The following ANKAR variants were observed in gnomAD, a reference collection of about 807,000 sequenced individuals.
ANKAR encodes ankyrin and armadillo repeat containing, also known as ankyrin and armadillo repeat-containing protein.
In ANKAR, 136 loss-of-function variants were observed where a neutral mutation model predicts 146.2. That is an observed-to-expected ratio of 0.93 (90% CI 0.81 to 1.07). The LOEUF (loss-of-function observed/expected upper bound fraction) is 1.07. Ranked by LOEUF, ANKAR falls within the 50% of genes least tolerant of loss-of-function variation. The probability of loss-of-function intolerance (pLI) is 0.00; values close to 1 mark genes in which losing one functional copy is unlikely to be tolerated. For synonymous variants in ANKAR, 500 were observed against 575.8 expected (o/e 0.87, Z 1.88); for missense variants, 1,567 against 1,679.9 (o/e 0.93, Z 1.18).
chr2:189,762,745 G>A (rs547799537), downstream of ANKAR: 4 of 985,532 alleles, frequency 4.1e-6, no homozygotes, highest in Non-Finnish European at 4.8e-6. Context: ...ACTGTCGACT[G>A]CCCTTATCGC....
chr2:189,710,972 G>T (rs2039605919), intron 9 of ANKAR, 77 bp from the exon 10 acceptor site: 1 of 1,251,312 alleles, frequency 8.0e-7, no homozygotes, highest in Admixed American at 1.9e-5. Flanking sequence ...TATTTAGCTG[G>T]TACAAAAAAC....
chr2:189,685,010 AT>A (rs888443528), intron 2 of ANKAR, among the ~76,000 whole-genome samples: 29 of 148,204 alleles, frequency 2.0e-4, no homozygotes, highest in East Asian at 1.2e-3. Flanking sequence ...TGTTTTCTGA[AT>A]TTTTTTTTTA....
In ANKAR at chr2:189,692,263, G is replaced by A. The variant is rs2036537190; in HGVS notation, c.1048G>A (p.Val350Ile). ...SLLQPFSDDK[V>I]KTERELPPFI... ...TGTTTTCATTTTTGGAGATGACAAG[G>A]TCAAGACAGAGCGAGAATTGCCTCC... Residue 350 changes from valine to isoleucine, a missense_variant, in exon 4 of 23, where the codon GTC becomes ATC. Physicochemically the swap from Val to Ile is conservative, Grantham distance 29. Coordinates refer to ENST00000684021, the MANE Select transcript of ANKAR (RefSeq NM_001378068.1). 1 of 1,610,958 alleles carries A rather than the reference G, an allele frequency of 6.2e-7. No individual in the cohort carries two copies.
intron 2 of ANKAR, 89 bp downstream of exon 2, chr2:189,677,180 A>G: frequency 7.5e-7 from 1 of 1,326,056 alleles, no homozygotes; most frequent in African/African-American, 1.5e-5. Context: ...CGAACCCCTG[A>G]GCTCAAGCCA....
In ANKAR at chr2:189,716,235, G is replaced by A. The variant is rs902715739; in HGVS notation, c.2225-3337G>A. On this transcript the variant is annotated intron_variant, in intron 10 of 22. Coordinates refer to ENST00000684021, the MANE Select transcript of ANKAR (RefSeq NM_001378068.1). Reference sequence around the variant, plus strand: ...CTCCTTAAGCTGATAAGCAACTTCAGCAAACTCTCAGGATACAAAATCAAT... The same window carrying A: ...CTCCTTAAGCTGATAAGCAACTTCAACAAACTCTCAGGATACAAAATCAAT... Among the ~76,000 whole-genome samples, 4 of 152,288 alleles carry A rather than the reference G, an allele frequency of 2.6e-5. No homozygotes were observed. In the South Asian group the frequency reaches 6.2e-4, roughly 24 times the overall value.
intron 9 of ANKAR, among the ~76,000 whole-genome samples, chr2:189,710,554 C>T (rs1235290699): frequency 6.6e-6 from 1 of 152,158 alleles, no homozygotes; most frequent in African/African-American, 2.4e-5. Flanking sequence ...AATCCTACCA[C>T]TTTGGGAGGC....
chr2:189,752,299 G>T (rs910840347), intron 18 of ANKAR, among the ~76,000 whole-genome samples: 4 of 152,086 alleles, frequency 2.6e-5, no homozygotes, highest in Non-Finnish European at 5.9e-5. Flanking sequence ...AATGCTTTCT[G>T]CATGTTTTCC....
intron 1 of ANKAR, among the ~76,000 whole-genome samples, chr2:189,675,464 C>T (rs555607548): frequency 1.3e-5 from 2 of 152,026 alleles, no homozygotes; most frequent in South Asian, 4.1e-4. Flanking sequence ...CCTCCTGTCT[C>T]AAGCCCCGCG....
downstream of ANKAR, among the ~76,000 whole-genome samples, chr2:189,748,306 C>G (rs184786060): frequency 2.7e-3 from 406 of 152,288 alleles, 1 homozygote; most frequent in Admixed American, 5.5e-3. Context: ...GGGTTCAAAG[C>G]AATCATCCCA....
intron 10 of ANKAR, among the ~76,000 whole-genome samples, chr2:189,714,076 T>C (rs566795548): frequency 2.0e-5 from 3 of 152,160 alleles, no homozygotes; most frequent in Non-Finnish European, 4.4e-5. Flanking sequence ...CCTAAATATA[T>C]ATGCACCCAA....
chr2:189,725,086 T>C (rs913927736), intron 12 of ANKAR, among the ~76,000 whole-genome samples: 1 of 152,124 alleles, frequency 6.6e-6, no homozygotes, highest in African/African-American at 2.4e-5. Flanking sequence ...ATATGATAAG[T>C]ACCATAGGAC....
chr2:189,754,465 CT>C, intron 18 of ANKAR: 1 of 950,478 alleles, frequency 1.1e-6, no homozygotes, highest in Non-Finnish European at 1.5e-6. Flanking sequence ...ATAAAACATG[CT>C]ATACTTTGGC....
intron 18 of ANKAR, chr2:189,752,704 C>T (rs761943403): frequency 2.0e-5 from 33 of 1,613,702 alleles, no homozygotes; most frequent in South Asian, 3.3e-5. Context: ...CAAGCCAGCA[C>T]GTAGTCTTTC....
chr2:189,739,563 CCA>C (rs1413724008), intron 19 of ANKAR, among the ~76,000 whole-genome samples: 1 of 151,320 alleles, frequency 6.6e-6, no homozygotes, highest in Non-Finnish European at 1.5e-5. Context: ...GGTTTAGACT[CCA>C]CAGTTTTTTT....
At chr2:189,684,182 A>G (rs1466734791) in intron 2 of ANKAR, among the ~76,000 whole-genome samples, 1 of 152,162 alleles carries the variant, frequency 6.6e-6, no homozygotes, top group Non-Finnish European at 1.5e-5. Flanking sequence ...CTTATTTATT[A>G]TCACAAGCGA....
intron 22 of ANKAR, 105 bp downstream of exon 22, chr2:189,744,893 C>A: frequency 2.4e-6 from 2 of 845,740 alleles, no homozygotes; most frequent in Admixed American, 2.4e-5. Flanking sequence ...CACAGTGGCT[C>A]ATGCCTGTAA....
intron 21 of ANKAR, among the ~76,000 whole-genome samples, chr2:189,743,947 A>G (rs1347697442): frequency 6.6e-6 from 1 of 152,198 alleles, no homozygotes; most frequent in Non-Finnish European, 1.5e-5. Flanking sequence ...AGGTATTCAG[A>G]GGATTTTGAC....
intron 1 of ANKAR, among the ~76,000 whole-genome samples, chr2:189,675,307 A>C (rs547241367): frequency 3.2e-4 from 49 of 152,334 alleles, no homozygotes; most frequent in Non-Finnish European, 5.0e-4. Context: ...TTATTATTTC[A>C]GGAATAGACA....
chr2:189,724,779 A>G (rs906789355), intron 12 of ANKAR, among the ~76,000 whole-genome samples: 2 of 152,196 alleles, frequency 1.3e-5, no homozygotes, highest in African/African-American at 2.4e-5. Flanking sequence ...CATCTAAAGG[A>G]TATAGTTAGC....
Sources: gnomAD v4.1 joint callset for allele counts (sites outside exome capture counted in the v4.1 genomes callset) on GRCh38, gnomAD v4.1.1 for gene constraint, MANE v1.5 for transcripts, NCBI Gene and HGNC (gene_info 2026-07-23, HGNC 2026-07-21) for gene names.